SLC26A7: variants seen among roughly 807,000 people sequenced by gnomAD.
The protein encoded by SLC26A7 is solute carrier family 26 member 7.
SLC26A7 carries 59 observed loss-of-function variants against 82.5 expected under a neutral mutation model. The observed-to-expected ratio is 0.72, with a 90% CI of 0.58 to 0.89. SLC26A7 has a LOEUF of 0.89. Ranked by LOEUF, SLC26A7 falls within the 40% of genes least tolerant of loss-of-function variation. SLC26A7 has a pLI of 0.00. For missense variants in SLC26A7, 820 were observed against 793.0 expected, an observed-to-expected ratio of 1.03 and a Z score of -0.41; for synonymous variants, 271 against 274.3, an observed-to-expected ratio of 0.99 and a Z score of 0.12.
intron 8 of SLC26A7, 100 bp downstream of exon 8, chr8:91,340,651 T>A: frequency 1.4e-6 from 2 of 1,458,496 alleles, no homozygotes; most frequent in Non-Finnish European, 9.5e-7. Context: ...AAAACTTTCC[T>A]AACTGTACAG....
At chr8:91,300,626 TG>T (rs1563667992) in intron 4 of SLC26A7, among the ~76,000 whole-genome samples, 1 of 152,148 alleles carries the variant, frequency 6.6e-6, no homozygotes, top group Admixed American at 6.5e-5. Context: ...CTCGATCTCC[TG>T]ACCTCGTGAT....
At chr8:91,255,499 C>T (rs1304394524) in intron 2 of SLC26A7, among the ~76,000 whole-genome samples, 1 of 152,154 alleles carries the variant, frequency 6.6e-6, no homozygotes, top group Non-Finnish European at 1.5e-5. Flanking sequence ...GTATCTCTAA[C>T]TTAGCTCCCT....
chr8:91,380,979 A>G (rs1814656137), intron 15 of SLC26A7, among the ~76,000 whole-genome samples: 2 of 152,218 alleles, frequency 1.3e-5, no homozygotes, highest in South Asian at 4.1e-4. Flanking sequence ...TTATACTGAC[A>G]TAATAATGAA....
At chr8:91,218,987 T>C in exon 2 of SLC26A7, 1 of 1,548,206 alleles carries the variant, frequency 6.5e-7, no homozygotes, top group Non-Finnish European at 8.7e-7. Context: ...CTCTTTGGAA[T>C]TGCTCAGGTG....
upstream of SLC26A7, among the ~76,000 whole-genome samples, chr8:91,244,982 C>A (rs965249248): frequency 1.3e-5 from 2 of 152,178 alleles, no homozygotes; most frequent in African/African-American, 4.8e-5. Context: ...TGTTGGCAAT[C>A]ATTGTTGAGA....
At chr8:91,338,273 G>T in intron 7 of SLC26A7, 41 bp downstream of exon 7, 1 of 1,466,692 alleles carries the variant, frequency 6.8e-7, no homozygotes, top group Non-Finnish European at 9.3e-7. Flanking sequence ...TTGTTTGTTT[G>T]TTTATTTTTG....
At chr8:91,266,910 CCTTCCATAT>C (rs1811128145) in intron 2 of SLC26A7, among the ~76,000 whole-genome samples, 1 of 151,836 alleles carries the variant, frequency 6.6e-6, no homozygotes, top group Non-Finnish European at 1.5e-5. Flanking sequence ...GAGGTATATT[CCTTCCATAT>C]CTAAATTGTT....
In SLC26A7 at chr8:91,289,242, C is replaced by A; in HGVS notation, c.300C>A (p.Ala100=). ...TATTTGGAATGGGACATCATGTTGC[C>A]ACAGGTAATAATTCCTATGTTTATG... is the stretch of plus-strand genomic sequence containing the variant. ...YAIFGMGHHV[A]TGTFALTSLI... The change falls in exon 3 of 19, where the codon GCC becomes GCA. Residue 100 remains alanine (A), a synonymous_variant. Transcript: ENST00000276609. The A allele has an allele frequency of 6.2e-7, 1 of 1,606,494 alleles. No individual in the cohort carries two copies. Among genetic ancestry groups the A allele is most frequent in the Non-Finnish European group, 8.5e-7 (1 of 1,173,250 alleles).
rs556014860 is a variant in SLC26A7, at chr8:91,295,386, G to T, written c.305-145G>T. On this transcript the variant is annotated intron_variant, in intron 3 of 18. Transcript: ENST00000276609. The stretch of plus-strand genomic sequence containing the variant: ...TCATCCATGGAGAGAGGTGAAGAGT[G>T]GAGAAGCAAGGCCACAGAGGAGGGG... 3.5e-5 allele frequency: 28 copies of T among 805,542 alleles called. No individual in the cohort carries two copies. The South Asian group carries it at 5.0e-4, about 14-fold the overall frequency. The allele number at this position is 805,542 out of a possible 1,614,324, so 49.9% of individuals were successfully genotyped here.
At chr8:91,219,058 A>G (rs1810112189) in intron 2 of SLC26A7, 4 of 873,534 alleles carry the variant, frequency 4.6e-6, no homozygotes, top group Non-Finnish European at 7.2e-6. Flanking sequence ...CTCTGCATAC[A>G]CAGATTATGC....
chr8:91,366,718 G>A lies in SLC26A7; in HGVS notation c.1626+1G>A, dbSNP rs774725242. The stretch of plus-strand genomic sequence containing the variant: ...TCAGCCACTTGATGATATCAGCAAG[G>A]TAGGATCAATGGTTTGATTAGAATG... On this transcript the variant is annotated splice_donor_variant, in intron 14 of 18. Coordinates refer to ENST00000276609, the MANE Select transcript of SLC26A7 (RefSeq NM_052832.4). LOFTEE classifies it high-confidence loss of function. 1.2e-6 allele frequency: 2 copies of A among 1,609,552 alleles called. No individual in the cohort carries two copies. Among genetic ancestry groups the A allele is most frequent in the African/African-American group, 2.7e-5 (2 of 74,566 alleles).
intron 2 of SLC26A7, among the ~76,000 whole-genome samples, chr8:91,219,719 T>C (rs1418471938): frequency 6.6e-6 from 1 of 152,184 alleles, no homozygotes; most frequent in Non-Finnish European, 1.5e-5. Flanking sequence ...GAGAACGTGT[T>C]AGAAATACAA....
At chr8:91,359,880 G>GTA (rs1440780526) in intron 11 of SLC26A7, among the ~76,000 whole-genome samples, 1 of 139,526 alleles carries the variant, frequency 7.2e-6, no homozygotes, top group African/African-American at 2.7e-5. Flanking sequence ...CAAGATATGT[G>GTA]TGTGTGTGTG....
chr8:91,237,319 A>G (rs1179971790), intron 2 of SLC26A7, among the ~76,000 whole-genome samples: 1 of 152,224 alleles, frequency 6.6e-6, no homozygotes, highest in Non-Finnish European at 1.5e-5. Flanking sequence ...GCTACGCTAT[A>G]ATTTTTTCTT....
At position 91,366,620 on chromosome 8, in the gene SLC26A7, C is replaced by T. The variant is rs201387170; in HGVS notation, c.1529C>T (p.Pro510Leu). The T allele has an allele frequency of 8.7e-6, 14 of 1,613,380 alleles. No individual in the cohort carries two copies. The highest frequency in any genetic ancestry group is 1.7e-4 in the Middle Eastern group (1 of 6,056). ...QQVKIISINN[P>L]LVFLNAKKFY... is the part of the protein sequence containing the mutation. ...GTGAAAATTATCTCAATAAACAACCCGCTTGTTTTCCTGAATGCAAAAAAA... is the reference window on the plus strand; with the variant it reads ...GTGAAAATTATCTCAATAAACAACCTGCTTGTTTTCCTGAATGCAAAAAAA... The change falls in exon 14 of 19, where the codon CCG becomes CTG. Residue 510 changes from proline to leucine, a missense_variant. Transcript: ENST00000276609.
chr8:91,234,831 C>CCTTCCTTT, intron 2 of SLC26A7, among the ~76,000 whole-genome samples: 1 of 100,500 alleles, frequency 1.0e-5, no homozygotes, highest in South Asian at 4.5e-4. Flanking sequence ...CTACCTACTT[C>CCTTCCTTT]CTTCCTTCCT....
chr8:91,236,881 C>A (rs1292035998), intron 2 of SLC26A7, among the ~76,000 whole-genome samples: 2 of 152,308 alleles, frequency 1.3e-5, no homozygotes, highest in African/African-American at 4.8e-5. Flanking sequence ...CTCCCAGGGC[C>A]ATTTATCACC....
intron 2 of SLC26A7, among the ~76,000 whole-genome samples, chr8:91,231,120 A>G (rs534331593): frequency 6.6e-6 from 1 of 152,310 alleles, no homozygotes; most frequent in Non-Finnish European, 1.5e-5. Flanking sequence ...GGGCCTGGAT[A>G]TGGTAGAAAA....
chr8:91,333,685 T>C (rs1813159270), intron 5 of SLC26A7, among the ~76,000 whole-genome samples: 1 of 152,164 alleles, frequency 6.6e-6, no homozygotes, highest in Non-Finnish European at 1.5e-5. Flanking sequence ...ATTCCTACAC[T>C]AGACCATGAG....
Sources: allele counts gnomAD v4.1 joint callset (sites outside exome capture counted in the v4.1 genomes callset), GRCh38; gene constraint gnomAD v4.1.1; transcripts MANE v1.5; gene names NCBI Gene and HGNC (gene_info 2026-07-23, HGNC 2026-07-21).